Variants in MACROD1 observed in about 807,000 individuals in gnomAD.
MACROD1 encodes the protein mono-ADP ribosylhydrolase 1.
In MACROD1, 31 loss-of-function variants were observed where a neutral mutation model predicts 41.4. The ratio of observed to expected loss-of-function variants is 0.75; its 90% CI spans 0.56 to 1.01. The LOEUF (loss-of-function observed/expected upper bound fraction) is 1.01, where lower values mean the gene tolerates loss of function less well. Among genes scored for constraint, MACROD1 ranks in the 50% least tolerant of loss-of-function variants. MACROD1 has a pLI of 0.00. For synonymous variants in MACROD1, 252 were observed against 203.4 expected (o/e 1.24, Z -2.03); for missense variants, 473 against 460.0 (o/e 1.03, Z -0.26).
intron 3 of MACROD1, among the ~76,000 whole-genome samples, chr11:64,016,618 C>T (rs523586): frequency 0.28 from 43,277 of 152,272 alleles, 7,620 homozygotes; most frequent in Non-Finnish European, 0.4. Context: ...TCTCCCAGAG[C>T]TGACAGCTCT....
At chr11:64,164,425 T>G (rs1486896217) in intron 1 of MACROD1, among the ~76,000 whole-genome samples, 1 of 152,204 alleles carries the variant, frequency 6.6e-6, no homozygotes, top group Non-Finnish European at 1.5e-5. Context: ...CCCACCCTCC[T>G]GGGTTGTTGT....
Position 64,036,750 on chromosome 11 carries a change from G to T in MACROD1, c.518-21469C>A, listed in dbSNP as rs1394454891. On this transcript the variant is annotated intron_variant, in intron 3 of 10. Transcript: ENST00000255681. The surrounding 1 kb of genome is among the most constrained non-coding windows in gnomAD (Gnocchi z 5.6). The stretch of plus-strand genomic sequence containing the variant: ...TCAGCCCTGAGCCGGGCGGGGGCTG[G>T]GGCCGTACACCTGGCGGCTGGAACG... 2.0e-5 allele frequency among the ~76,000 whole-genome samples: 3 copies of T among 152,222 alleles called. No individual in the cohort carries two copies. The highest frequency in any genetic ancestry group is 4.4e-5 in the Non-Finnish European group (3 of 68,030).
chr11:64,090,299 GA>G lies in MACROD1; in HGVS notation c.517+60939del. Among the ~76,000 whole-genome samples, 1 of 152,184 alleles carries G rather than the reference GA, an allele frequency of 6.6e-6. No homozygotes were observed. The highest frequency in any genetic ancestry group is 6.5e-5 in the Admixed American group (1 of 15,272). On this transcript the variant is annotated intron_variant, in intron 3 of 10. Coordinates refer to ENST00000255681, the MANE Select transcript of MACROD1 (RefSeq NM_014067.4). This position sits in a 1 kb window ranked among gnomAD's most constrained non-coding sequence, Gnocchi z 4.7. Reference sequence around the variant, plus strand: ...ATCGTGCGTTGCTTTTCCCGTCTGGGAGTCTAATAGTCAGCAGTTATTTATC... The same window carrying G: ...ATCGTGCGTTGCTTTTCCCGTCTGGGGTCTAATAGTCAGCAGTTATTTATC...
At chr11:64,089,689 G>A (rs982152897) in intron 3 of MACROD1, among the ~76,000 whole-genome samples, 11 of 152,222 alleles carry the variant, frequency 7.2e-5, no homozygotes, top group African/African-American at 2.7e-4. Flanking sequence ...CTGGCCCAGG[G>A]CCTGGACAAA....
At chr11:64,008,317 G>A (rs183271320) in intron 4 of MACROD1, among the ~76,000 whole-genome samples, 1 of 151,930 alleles carries the variant, frequency 6.6e-6, no homozygotes, top group East Asian at 1.9e-4. Flanking sequence ...CTGGCCCCCA[G>A]GGTCCCAGCA....
At chr11:64,147,813 G>A (rs1384741214) in intron 3 of MACROD1, among the ~76,000 whole-genome samples, 1 of 150,416 alleles carries the variant, frequency 6.6e-6, no homozygotes, top group Non-Finnish European at 1.5e-5. Flanking sequence ...CACAACCATG[G>A]CTCACTGCAG....
chr11:64,074,455 C>T (rs750876209), intron 3 of MACROD1, among the ~76,000 whole-genome samples: 10 of 152,104 alleles, frequency 6.6e-5, no homozygotes, highest in African/African-American at 1.2e-4. Context: ...TAGGAACAGC[C>T]GTGGGAGGGA....
intron 3 of MACROD1, among the ~76,000 whole-genome samples, chr11:64,079,486 G>A (rs1944266234): frequency 3.3e-5 from 5 of 152,190 alleles, no homozygotes; most frequent in Admixed American, 3.3e-4. Context: ...CAGGAATGGG[G>A]CAGGGATGAG....
intron 3 of MACROD1, among the ~76,000 whole-genome samples, chr11:64,031,028 C>T (rs1314373220): frequency 6.6e-6 from 1 of 152,034 alleles, no homozygotes; most frequent in Non-Finnish European, 1.5e-5. Flanking sequence ...AAGTAAGACC[C>T]TTGTTTCAAG....
At chr11:64,001,879 C>T (rs1391954007) in intron 4 of MACROD1, 1 of 658,672 alleles carries the variant, frequency 1.5e-6, no homozygotes, top group Non-Finnish European at 2.8e-6. Context: ...CATCCTGGCT[C>T]TGCCAGCCAC....
At chr11:64,033,028 G>C (rs531368264) in intron 3 of MACROD1, among the ~76,000 whole-genome samples, 1 of 152,138 alleles carries the variant, frequency 6.6e-6, no homozygotes, top group East Asian at 1.9e-4. Flanking sequence ...AGCTTCTGCT[G>C]TCTGCAAGAA....
chr11:64,015,474 G>A (rs1341160264), intron 3 of MACROD1, among the ~76,000 whole-genome samples, 193 bp from the exon 4 acceptor site: 1 of 152,112 alleles, frequency 6.6e-6, no homozygotes, highest in African/African-American at 2.4e-5. Context: ...CATGGTCCTG[G>A]GGTTTGTAGG....
chr11:64,119,527 T>C (rs1044868268), intron 3 of MACROD1, among the ~76,000 whole-genome samples: 2 of 151,904 alleles, frequency 1.3e-5, no homozygotes, highest in Non-Finnish European at 1.5e-5. Context: ...ATTTTTTTTT[T>C]AAATATCAGC....
At chr11:64,029,733 C>T (rs556178) in intron 3 of MACROD1, among the ~76,000 whole-genome samples, 5,615 of 152,244 alleles carry the variant, frequency 0.037, 334 homozygotes, top group African/African-American at 0.13. Flanking sequence ...GGTGTCTCCA[C>T]AGGGCTGTCT....
At chr11:64,010,383 T>TGGGGTGTTGACC in intron 4 of MACROD1, among the ~76,000 whole-genome samples, 1 of 147,316 alleles carries the variant, frequency 6.8e-6, no homozygotes, top group South Asian at 2.2e-4. Flanking sequence ...GGATGTTGGC[T>TGGGGTGTTGACC]GGGGTGTTGA....
chr11:63,998,789 C>T (rs1942759806), intron 10 of MACROD1, 49 bp downstream of exon 10: 2 of 1,458,980 alleles, frequency 1.4e-6, no homozygotes, highest in African/African-American at 1.4e-5. Flanking sequence ...GGTTAGTGGG[C>T]GGGTTAGTCT....
Position 64,074,181 on chromosome 11 carries a change from A to G in MACROD1, c.518-58900T>C, listed in dbSNP as rs1944159558. Among the ~76,000 whole-genome samples, 3 of 152,296 alleles carry G rather than the reference A, an allele frequency of 2.0e-5. No homozygotes were observed. The South Asian group carries it at 6.2e-4, about 32-fold the overall frequency. On this transcript the variant is annotated intron_variant, in intron 3 of 10. Transcript: ENST00000255681. ...CTCAGGGCAATGGTCTCCTTTTATG[A>G]TGGGGAAACCGAGGCAGAGAGAAAG...
chr11:64,117,750 A>T, intron 3 of MACROD1: 1 of 1,614,032 alleles, frequency 6.2e-7, no homozygotes, highest in Non-Finnish European at 8.5e-7. Flanking sequence ...GTACCTGCTG[A>T]CAGCCCTGGA....
intron 2 of MACROD1, 57 bp from the exon 3 acceptor site, chr11:64,151,412 C>T: frequency 7.4e-7 from 1 of 1,349,440 alleles, no homozygotes; most frequent in Admixed American, 1.7e-5. Context: ...CAGAGGGACC[C>T]AGCCAGGGCC....
Sources: allele counts gnomAD v4.1 joint callset (sites outside exome capture counted in the v4.1 genomes callset), GRCh38; gene constraint gnomAD v4.1.1; non-coding constraint Gnocchi (gnomAD v3.1); transcripts MANE v1.5; gene names NCBI Gene and HGNC (gene_info 2026-07-23, HGNC 2026-07-21).